Variants in NALCN observed in about 807,000 individuals in gnomAD.
NALCN encodes sodium leak channel, non-selective.
In NALCN, 111 loss-of-function variants were observed where a neutral mutation model predicts 225.3. That is an observed-to-expected ratio of 0.49 (90% CI 0.42 to 0.58). The LOEUF (loss-of-function observed/expected upper bound fraction) is 0.58, where lower values mean the gene tolerates loss of function less well. NALCN is among the 20% of genes least tolerant of loss of function. NALCN has a pLI of 0.00. For synonymous variants in NALCN, 764 were observed against 769.0 expected, an observed-to-expected ratio of 0.99 and a Z score of 0.11; for missense variants, 1,378 against 2,202.4, an observed-to-expected ratio of 0.63 and a Z score of 7.49.
chr13:101,076,632 C>G (rs1221814323), intron 34 of NALCN, among the ~76,000 whole-genome samples: 2 of 152,190 alleles, frequency 1.3e-5, no homozygotes, highest in African/African-American at 4.8e-5. Context: ...GAAGGGGGTC[C>G]AGTGAGATCC....
chr13:101,372,402 T>C (rs1396329723), intron 6 of NALCN, among the ~76,000 whole-genome samples: 1 of 152,176 alleles, frequency 6.6e-6, no homozygotes, highest in Non-Finnish European at 1.5e-5. Flanking sequence ...CACTTTTTTC[T>C]TTTCAAATTC....
chr13:101,139,952 T>G (rs2139772608), intron 17 of NALCN, among the ~76,000 whole-genome samples: 1 of 152,318 alleles, frequency 6.6e-6, no homozygotes, highest in South Asian at 2.1e-4. Flanking sequence ...CCAGGGGCAC[T>G]CAACAAGGTT....
chr13:101,297,636 G>A (rs2139075957), intron 7 of NALCN, among the ~76,000 whole-genome samples: 1 of 152,300 alleles, frequency 6.6e-6, no homozygotes, highest in East Asian at 1.9e-4. Context: ...CAAGCTATAG[G>A]AGTCTGCAGA....
chr13:101,111,034 G>T lies in NALCN; in HGVS notation c.2294+91C>A, dbSNP rs2035400373. 4 of 1,299,800 alleles carry T rather than the reference G, an allele frequency of 3.1e-6. No individual in the cohort carries two copies. The South Asian group carries it at 5.3e-5, about 17-fold the overall frequency. 80.5% of individuals were successfully genotyped at this position (1,299,800 alleles called of 1,614,324 possible). Reference sequence around the variant, plus strand: ...CTCAGCCATGCCTGTCTGGCAGCCAGGGCTGACAGCCGTGACTGTGTACAG... The same window carrying T: ...CTCAGCCATGCCTGTCTGGCAGCCATGGCTGACAGCCGTGACTGTGTACAG... On this transcript the variant is annotated intron_variant, in intron 19 of 43. Transcript: ENST00000251127.
intron 40 of NALCN, among the ~76,000 whole-genome samples, chr13:101,064,474 G>T (rs893151716): frequency 6.6e-6 from 1 of 152,004 alleles, no homozygotes; most frequent in Non-Finnish European, 1.5e-5. Context: ...TAGTAATTAA[G>T]TTAAAATGAG....
At chr13:101,150,493 A>C (rs2037593980) in intron 15 of NALCN, among the ~76,000 whole-genome samples, 1 of 152,152 alleles carries the variant, frequency 6.6e-6, no homozygotes, top group Non-Finnish European at 1.5e-5. Context: ...CATGATTTTG[A>C]CCAAGCTACA....
intron 10 of NALCN, among the ~76,000 whole-genome samples, chr13:101,275,879 C>A (rs182034280): frequency 6.6e-6 from 1 of 151,836 alleles, no homozygotes; most frequent in African/African-American, 2.4e-5. Flanking sequence ...TCCTGGCCAA[C>A]GTGGTGAAAC....
intron 2 of NALCN, among the ~76,000 whole-genome samples, chr13:101,397,121 C>CATACAT (rs1555346502): frequency 9.2e-6 from 1 of 108,986 alleles, no homozygotes; most frequent in African/African-American, 3.4e-5. Flanking sequence ...CATACACATA[C>CATACAT]ATATATATAA....
chr13:101,409,901 T>G (rs999569919), intron 1 of NALCN, among the ~76,000 whole-genome samples: 4 of 152,200 alleles, frequency 2.6e-5, no homozygotes, highest in African/African-American at 9.7e-5. Context: ...TCAAGTCATA[T>G]GTTGAAGCTC....
chr13:101,117,439 G>A (rs2035772070), intron 18 of NALCN, among the ~76,000 whole-genome samples: 1 of 152,174 alleles, frequency 6.6e-6, no homozygotes, highest in Non-Finnish European at 1.5e-5. Flanking sequence ...CAATAAAAGT[G>A]AAATTTTGTA....
intron 13 of NALCN, among the ~76,000 whole-genome samples, chr13:101,220,460 C>A (rs1293160744): frequency 1.3e-5 from 2 of 152,048 alleles, no homozygotes; most frequent in Non-Finnish European, 2.9e-5. Flanking sequence ...TGATAATGAC[C>A]CCTTTTGTAA....
chr13:101,244,689 A>T (rs1339618123), intron 11 of NALCN, among the ~76,000 whole-genome samples: 1 of 152,234 alleles, frequency 6.6e-6, no homozygotes, highest in Non-Finnish European at 1.5e-5. Context: ...TGCCATAGAG[A>T]AGAACTGTGT....
At chr13:101,409,297 T>C (rs966904577) in intron 1 of NALCN, among the ~76,000 whole-genome samples, 1 of 152,224 alleles carries the variant, frequency 6.6e-6, no homozygotes, top group Non-Finnish European at 1.5e-5. Flanking sequence ...TTTTGTTTCA[T>C]TGTAGTAGGA....
intron 14 of NALCN, among the ~76,000 whole-genome samples, chr13:101,190,545 G>A (rs545536550): frequency 1.3e-5 from 2 of 152,240 alleles, no homozygotes; most frequent in South Asian, 2.1e-4. Context: ...TATCTTTCGC[G>A]TAACTTTTAA....
intron 11 of NALCN, among the ~76,000 whole-genome samples, chr13:101,252,405 C>T (rs2042088592): frequency 6.6e-6 from 1 of 152,130 alleles, no homozygotes; most frequent in African/African-American, 2.4e-5. Context: ...ATAGATGATA[C>T]TTTCTTTTCT....
chr13:101,167,697 AT>A (rs758169513), intron 15 of NALCN, among the ~76,000 whole-genome samples: 36,037 of 151,204 alleles, frequency 0.24, 5,056 homozygotes, highest in Non-Finnish European at 0.32. Flanking sequence ...AATTAGTTGG[AT>A]TTGGTGGTGC....
chr13:101,243,874 C>G lies in NALCN; in HGVS notation c.1267-5952G>C, dbSNP rs1220845388. 1.9e-5 allele frequency among the ~76,000 whole-genome samples: 2 copies of G among 105,256 alleles called. 1 individual carries two copies. Among genetic ancestry groups the G allele is most frequent in the African/African-American group, 6.8e-5 (2 of 29,298 alleles). 69.1% of individuals were successfully genotyped at this position (105,256 alleles called of 152,430 possible). On this transcript the variant is annotated intron_variant, in intron 11 of 43. Transcript: ENST00000251127. ...TCCTCTGCGGGAAATGAAAGGCTCT[C>G]TGCCCTGAGCAGTGGCCTCAGGGGA...
At chr13:101,397,075 T>C (rs2047319154) in intron 2 of NALCN, among the ~76,000 whole-genome samples, 2 of 52,278 alleles carry the variant, frequency 3.8e-5, no homozygotes, top group Non-Finnish European at 5.9e-5. Flanking sequence ...ATTATATATA[T>C]ATATATATAT....
In NALCN at chr13:101,065,500, A is replaced by G; in HGVS notation, c.4508T>C (p.Val1503Ala). ...CAGGAGCTTGTCCTTGTCCAGGTCC[A>G]CCTCCAGCCTCCCACGCAGTAGCCG... is the stretch of plus-strand genomic sequence containing the variant. ...LLRLLRGRLEVDLDKDKLLFK... is the reference protein window; with the variant it reads ...LLRLLRGRLEADLDKDKLLFK... Residue 1503 changes from valine (V) to alanine (A), a missense_variant, in exon 40 of 44, where the codon GTG (valine) becomes GCG (alanine). Transcript: ENST00000251127. The G allele has an allele frequency of 6.2e-7, 1 of 1,614,018 alleles. No homozygotes were observed. The highest frequency in any genetic ancestry group is 2.2e-5 in the East Asian group (1 of 44,846).
Sources: allele counts gnomAD v4.1 joint callset (sites outside exome capture counted in the v4.1 genomes callset), GRCh38; gene constraint gnomAD v4.1.1; transcripts MANE v1.5; gene names NCBI Gene and HGNC (gene_info 2026-07-23, HGNC 2026-07-21).